Variants in RPS6KA2 observed in about 807,000 individuals in gnomAD.
The protein encoded by RPS6KA2 is ribosomal protein S6 kinase alpha-2.
RPS6KA2 carries 42 observed loss-of-function variants against 91.8 expected under a neutral mutation model. That is an observed-to-expected ratio of 0.46 (90% CI 0.36 to 0.59). The LOEUF (loss-of-function observed/expected upper bound fraction) is 0.59, where lower values mean the gene tolerates loss of function less well. Ranked by LOEUF, RPS6KA2 falls within the 20% of genes least tolerant of loss-of-function variation. The pLI is 0.00. For missense variants in RPS6KA2, 798 were observed against 978.5 expected (o/e 0.82, Z 2.46); for synonymous variants, 414 against 393.6 (o/e 1.05, Z -0.61).
chr6:166,489,784 C>A (rs762893603), intron 9 of RPS6KA2, among the ~76,000 whole-genome samples: 1 of 152,148 alleles, frequency 6.6e-6, no homozygotes, highest in Non-Finnish European at 1.5e-5. Context: ...CTCTCTCCTT[C>A]CATCTACATA....
Position 166,770,816 on chromosome 6 carries a change from A to G in RPS6KA2, c.123+87384T>C, listed in dbSNP as rs755711141. On this transcript the variant is annotated intron_variant, in intron 2 of 21. Transcript: ENST00000503859. The surrounding 1 kb of genome is among the most constrained non-coding windows in gnomAD (Gnocchi z 5.1). ...ATGTTTAACTTAAAAAAAAAATGTA[A>G]CTCACATAAGCATGGAAAAAAACAA... 6.6e-6 allele frequency: 10 copies of G among 1,517,876 alleles called. No individual in the cohort carries two copies. The South Asian group carries it at 1.2e-4, about 18-fold the overall frequency. 94.0% of individuals were successfully genotyped at this position (1,517,876 alleles called of 1,614,324 possible).
At chr6:166,486,473 G>A (rs1004862458) in intron 10 of RPS6KA2, among the ~76,000 whole-genome samples, 5 of 152,334 alleles carry the variant, frequency 3.3e-5, no homozygotes, top group Non-Finnish European at 7.3e-5. Context: ...CAGCACTGTT[G>A]GTGAATACCC....
At chr6:166,530,347 C>T (rs1017350315) in intron 3 of RPS6KA2, among the ~76,000 whole-genome samples, 2 of 152,160 alleles carry the variant, frequency 1.3e-5, no homozygotes, top group African/African-American at 4.8e-5. Context: ...GGCTTCAGTT[C>T]CCTGCCAGCC....
At chr6:166,610,131 C>A (rs147425871) in intron 1 of RPS6KA2, among the ~76,000 whole-genome samples, 1 of 152,238 alleles carries the variant, frequency 6.6e-6, no homozygotes, top group South Asian at 2.1e-4. Context: ...TGGTAAACAG[C>A]GTGAGGGAAA....
rs746186591 is a variant in RPS6KA2 at position 166,626,883 on chromosome 6, T to C, written c.99+38A>G. 7.0e-7 allele frequency: 1 copy of C among 1,435,758 alleles called. No homozygotes were observed. The highest frequency in any genetic ancestry group is 9.2e-7 in the Non-Finnish European group (1 of 1,084,692). 88.9% of individuals were successfully genotyped at this position (1,435,758 alleles called of 1,614,324 possible). ...GCTCGGGCGACCACGGCCCGCTCAG[T>C]GCCCGGCACCTGCGCGCCCCGAGGG... is the stretch of plus-strand genomic sequence containing the variant. On this transcript the variant is annotated intron_variant, in intron 1 of 20. Coordinates refer to ENST00000265678, the MANE Select transcript of RPS6KA2 (RefSeq NM_021135.6). This position sits in a 1 kb window ranked among gnomAD's most constrained non-coding sequence, Gnocchi z 4.1.
chr6:166,446,593 C>T (rs528139472), intron 14 of RPS6KA2, among the ~76,000 whole-genome samples: 3 of 152,202 alleles, frequency 2.0e-5, no homozygotes, highest in South Asian at 2.1e-4. Flanking sequence ...TGAGGACTGA[C>T]GGACTGAGTT....
rs1030232057 is a variant in RPS6KA2 at position 166,418,706 on chromosome 6, A to G, written c.1821-364T>C. On this transcript the variant is annotated intron_variant, in intron 18 of 20. Coordinates refer to ENST00000265678, the MANE Select transcript of RPS6KA2 (RefSeq NM_021135.6). This position sits in a 1 kb window ranked among gnomAD's most constrained non-coding sequence, Gnocchi z 4.9. The stretch of plus-strand genomic sequence containing the variant: ...GAGCCTGAGACGTGGAGTCTGAGAG[A>G]CCCACGGTGGATGTATTCCCAACTC... 6.6e-6 allele frequency among the ~76,000 whole-genome samples: 1 copy of G among 152,206 alleles called. No individual in the cohort carries two copies. The highest frequency in any genetic ancestry group is 6.5e-5 in the Admixed American group (1 of 15,288).
intron 2 of RPS6KA2, among the ~76,000 whole-genome samples, chr6:166,772,252 C>T (rs1396363580): frequency 6.6e-6 from 1 of 151,382 alleles, no homozygotes; most frequent in African/African-American, 2.4e-5. Flanking sequence ...CCCCACCCCC[C>T]AGCCCCCCCA....
In RPS6KA2 at chr6:166,685,459, C is replaced by T. The variant is rs144462576; in HGVS notation, c.124-146675G>A. On this transcript the variant is annotated intron_variant, in intron 2 of 21. Transcript: ENST00000503859. ...TCCCACTTGTCCTCCCTCAGACACT[C>T]GGGACAAGAGTCCAAGGATCCCAGA... Among the ~76,000 whole-genome samples, 110 of 152,352 alleles carry T rather than the reference C, an allele frequency of 7.2e-4. 1 individual carries two copies. Among genetic ancestry groups the T allele is most frequent in the Middle Eastern group, 6.8e-3 (2 of 294 alleles).
chr6:166,812,541 G>T (rs748044096), intron 2 of RPS6KA2, among the ~76,000 whole-genome samples: 5 of 151,982 alleles, frequency 3.3e-5, no homozygotes, highest in Non-Finnish European at 7.4e-5. Flanking sequence ...AGCCCTGCAG[G>T]GCCCTGTACT....
At chr6:166,822,673 G>A (rs1779932960) in intron 2 of RPS6KA2, among the ~76,000 whole-genome samples, 1 of 152,172 alleles carries the variant, frequency 6.6e-6, no homozygotes, top group Non-Finnish European at 1.5e-5. Flanking sequence ...TTATTTATGT[G>A]TCTGTCTCCA....
At chr6:166,441,969 C>A (rs185312960) in intron 14 of RPS6KA2, among the ~76,000 whole-genome samples, 44 of 152,290 alleles carry the variant, frequency 2.9e-4, no homozygotes, top group African/African-American at 1.1e-3. Context: ...GGAAGCGGTC[C>A]GGCTGCCGCT....
chr6:166,850,086 C>T (rs574420677), intron 2 of RPS6KA2, among the ~76,000 whole-genome samples: 1 of 152,306 alleles, frequency 6.6e-6, no homozygotes, highest in South Asian at 2.1e-4. Context: ...TGTTTGGGTT[C>T]TACATCCTGG....
At chr6:166,620,418 T>C (rs142496203) in intron 1 of RPS6KA2, among the ~76,000 whole-genome samples, 1 of 152,342 alleles carries the variant, frequency 6.6e-6, no homozygotes, top group Non-Finnish European at 1.5e-5. Flanking sequence ...CCATTCCTTG[T>C]GGGCTGATGC....
intron 3 of RPS6KA2, among the ~76,000 whole-genome samples, chr6:166,517,450 GTTTTGTTTT>G (rs1782686266): frequency 2.4e-5 from 2 of 83,800 alleles, no homozygotes; most frequent in African/African-American, 1.3e-4. Flanking sequence ...GCGTTCTTTT[GTTTTGTTTT>G]TTTTTTTTTT....
intron 12 of RPS6KA2, among the ~76,000 whole-genome samples, chr6:166,455,336 AAG>A (rs1323702746): frequency 6.6e-6 from 1 of 152,148 alleles, no homozygotes. Context: ...CCTCTGGTGC[AAG>A]CGGGGGCCAG....
chr6:166,584,731 G>A (rs570304223), intron 1 of RPS6KA2, among the ~76,000 whole-genome samples: 12 of 152,288 alleles, frequency 7.9e-5, no homozygotes, highest in Non-Finnish European at 1.2e-4. Flanking sequence ...AAGGAGCTAC[G>A]CTGTCATGCC....
At chr6:166,629,150 GAC>G (rs1786999372), upstream of RPS6KA2, among the ~76,000 whole-genome samples, 1 of 152,232 alleles carries the variant, frequency 6.6e-6, no homozygotes, top group African/African-American at 2.4e-5. Flanking sequence ...CCTCCAACTG[GAC>G]ACAGACTCCG....
At chr6:166,840,780 G>A (rs1230111055) in intron 2 of RPS6KA2, among the ~76,000 whole-genome samples, 1 of 152,026 alleles carries the variant, frequency 6.6e-6, no homozygotes, top group African/African-American at 2.4e-5. Context: ...TGACCAACAT[G>A]GAGAAACACT....
Sources: allele counts gnomAD v4.1 joint callset (sites outside exome capture counted in the v4.1 genomes callset), GRCh38; gene constraint gnomAD v4.1.1; non-coding constraint Gnocchi (gnomAD v3.1); transcripts MANE v1.5; gene names NCBI Gene and HGNC (gene_info 2026-07-23, HGNC 2026-07-21).